ACSBG2: variants seen among roughly 807,000 people sequenced by gnomAD.
ACSBG2 encodes the protein long-chain-fatty-acid--CoA ligase ACSBG2.
In ACSBG2, 62 loss-of-function variants were observed where a neutral mutation model predicts 74.7. That is an observed-to-expected ratio of 0.83 (90% CI 0.68 to 1.03). The LOEUF is 1.03. Among genes scored for constraint, ACSBG2 ranks in the 50% least tolerant of loss-of-function variants. The probability of loss-of-function intolerance (pLI) is 0.00; values close to 1 mark genes in which losing one functional copy is unlikely to be tolerated. For missense variants in ACSBG2, 730 were observed against 817.6 expected, an observed-to-expected ratio of 0.89 and a Z score of 1.31; for synonymous variants, 309 against 294.1, an observed-to-expected ratio of 1.05 and a Z score of -0.52.
At position 6,180,802 on chromosome 19, in the gene ACSBG2, T is replaced by G. The variant is rs2090223721; in HGVS notation, c.907-1949T>G. On this transcript the variant is annotated intron_variant, in intron 8 of 14. Coordinates refer to ENST00000588485, the MANE Select transcript of ACSBG2 (RefSeq NM_030924.5). The surrounding 1 kb of genome is among the most constrained non-coding windows in gnomAD (Gnocchi z 4.3). ...TGATAGTGAGCATCTCTTCATGTGT[T>G]TATTGACCATTTACATATCTTCTTT... Among the ~76,000 whole-genome samples, 1 of 152,184 alleles carries G rather than the reference T, an allele frequency of 6.6e-6. No individual in the cohort carries two copies. Among genetic ancestry groups the G allele is most frequent in the Non-Finnish European group, 1.5e-5 (1 of 68,024 alleles).
At chr19:6,153,088 C>A (rs1221713588) in intron 4 of ACSBG2, among the ~76,000 whole-genome samples, 1 of 151,694 alleles carries the variant, frequency 6.6e-6, no homozygotes, top group Non-Finnish European at 1.5e-5. Flanking sequence ...CTAAAAATAC[C>A]AAAAAAATCA....
intron 3 of ACSBG2, among the ~76,000 whole-genome samples, chr19:6,151,415 C>A (rs2089235498): frequency 6.6e-6 from 1 of 152,046 alleles, no homozygotes; most frequent in Non-Finnish European, 1.5e-5. Flanking sequence ...TCAAGTGATC[C>A]TCCTGCCTCA....
At chr19:6,146,541 G>A (rs868250306) in intron 2 of ACSBG2, among the ~76,000 whole-genome samples, 56 of 151,988 alleles carry the variant, frequency 3.7e-4, no homozygotes, top group African/African-American at 1.3e-3. Flanking sequence ...CAAGGCGGGC[G>A]GATCACCTGA....
intron 11 of ACSBG2, among the ~76,000 whole-genome samples, chr19:6,186,545 T>C (rs2090413582): frequency 6.6e-6 from 1 of 151,992 alleles, no homozygotes; most frequent in Non-Finnish European, 1.5e-5. Flanking sequence ...TGGGTTTAAA[T>C]AGGTTTGAGG....
rs569256090 is a variant in ACSBG2 at position 6,172,409 on chromosome 19, G to A, written c.739-4820G>A. Among the ~76,000 whole-genome samples the A allele has an allele frequency of 7.6e-4, 115 of 152,290 alleles. 1 individual carries two copies. Among genetic ancestry groups the A allele is most frequent in the African/African-American group, 2.7e-3 (111 of 41,556 alleles). ...AGGGTATGGCTGTGGTGTATGTTGT[G>A]TGTGATTGTATGGCCTTGCTTCTGA... On this transcript the variant is annotated intron_variant, in intron 7 of 14. Coordinates refer to ENST00000588485, the MANE Select transcript of ACSBG2 (RefSeq NM_030924.5).
intron 6 of ACSBG2, among the ~76,000 whole-genome samples, chr19:6,162,566 CAAA>C (rs58138677): frequency 0.086 from 7,185 of 84,018 alleles, 273 homozygotes; most frequent in African/African-American, 0.19. Context: ...GACTCCGTCT[CAAA>C]AAAAAAAAAA....
At chr19:6,166,262 C>CTGTG (rs2089797919) in intron 7 of ACSBG2, among the ~76,000 whole-genome samples, 2 of 136,168 alleles carry the variant, frequency 1.5e-5, no homozygotes, top group Non-Finnish European at 3.0e-5. Context: ...AATGATTCCT[C>CTGTG]TGTGTGAGTC....
At chr19:6,158,147 C>T (rs2089486001) in intron 5 of ACSBG2, among the ~76,000 whole-genome samples, 1 of 151,798 alleles carries the variant, frequency 6.6e-6, no homozygotes, top group Non-Finnish European at 1.5e-5. Flanking sequence ...CCTCTGCCTC[C>T]CAGGTTCACG....
intron 7 of ACSBG2, among the ~76,000 whole-genome samples, chr19:6,168,261 A>C (rs1019577565): frequency 1.3e-5 from 2 of 151,928 alleles, no homozygotes; most frequent in African/African-American, 4.8e-5. Context: ...TCTTTGCATG[A>C]GCTCCGTGGG....
At chr19:6,181,044 T>TAAAAA (rs113174172) in intron 8 of ACSBG2, among the ~76,000 whole-genome samples, 2 of 100,034 alleles carry the variant, frequency 2.0e-5, no homozygotes, top group African/African-American at 3.5e-5. Flanking sequence ...CCGTCTCTAC[T>TAAAAA]AAAAAAAAAA....
Position 6,183,127 on chromosome 19 carries a change from T to C in ACSBG2, c.1177T>C (p.Ser393Pro). The C allele has an allele frequency of 1.2e-6, 2 of 1,614,224 alleles. No individual in the cohort carries two copies. The highest frequency in any genetic ancestry group is 1.3e-5 in the African/African-American group (1 of 75,066). The change falls in exon 10 of 15, where the codon TCT becomes CCT. Residue 393 changes from serine (S) to proline (P), a missense_variant. Ser to Pro is a moderately conservative substitution (Grantham distance 74). Coordinates refer to ENST00000588485, the MANE Select transcript of ACSBG2 (RefSeq NM_030924.5). ...KTSLGLDHCH[S>P]FISGTAPLNQ... ...ATCCCTTGGCTTGGATCACTGTCAC[T>C]CTTTTATCAGTGGGACTGCGCCCCT...
At chr19:6,171,089 T>A (rs2089952088) in intron 7 of ACSBG2, among the ~76,000 whole-genome samples, 1 of 152,160 alleles carries the variant, frequency 6.6e-6, no homozygotes, top group South Asian at 2.1e-4. Context: ...TCCATCCCTT[T>A]ACTTTGAGCC....
chr19:6,162,136 C>T (rs1300464196), intron 6 of ACSBG2, among the ~76,000 whole-genome samples: 1 of 151,294 alleles, frequency 6.6e-6, no homozygotes, highest in Non-Finnish European at 1.5e-5. Flanking sequence ...CATGGTGGTA[C>T]GTGCCTGTAG....
At chr19:6,161,027 G>A (rs2089590289) in intron 5 of ACSBG2, among the ~76,000 whole-genome samples, 188 bp from the exon 6 acceptor site, 1 of 152,012 alleles carries the variant, frequency 6.6e-6, no homozygotes, top group South Asian at 2.1e-4. Context: ...TTCAACCCGG[G>A]AGGCGGAGGT....
chr19:6,147,298 T>G, intron 2 of ACSBG2, 148 bp from the exon 3 acceptor site: 1 of 627,602 alleles, frequency 1.6e-6, no homozygotes, highest in Middle Eastern at 4.2e-4. Flanking sequence ...GAAGCTTGTC[T>G]TGCCAGTGTT....
intron 7 of ACSBG2, among the ~76,000 whole-genome samples, chr19:6,167,158 T>A (rs77753612): frequency 2.0e-5 from 3 of 152,192 alleles, no homozygotes; most frequent in African/African-American, 7.2e-5. Context: ...AGCATTCTTA[T>A]AAATGCTTCC....
Position 6,174,905 on chromosome 19 carries a change from T to C in ACSBG2, c.739-2324T>C, listed in dbSNP as rs1332205205. Among the ~76,000 whole-genome samples the C allele has an allele frequency of 1.3e-5, 2 of 151,798 alleles. No individual in the cohort carries two copies. The highest frequency in any genetic ancestry group is 2.1e-4 in the South Asian group (1 of 4,792). On this transcript the variant is annotated intron_variant, in intron 7 of 14. Transcript: ENST00000588485. This position sits in a 1 kb window ranked among gnomAD's most constrained non-coding sequence, Gnocchi z 4.2. ...TTTCTCCCGTGTAGGGAACACTATG[T>C]TCAGTGCTAAGATAAACACATTTTA...
Position 6,187,595 on chromosome 19 carries a change from G to A in ACSBG2, c.1681-4G>A. ...TGGGTGGTGACAGAGGTGTCTGGGG[G>A]CAGTGTGAGATGAATCAGATGAGCG... On this transcript the variant is annotated splice_polypyrimidine_tract_variant and splice_region_variant and intron_variant, in intron 12 of 14. Coordinates refer to ENST00000588485, the MANE Select transcript of ACSBG2 (RefSeq NM_030924.5). 2 of 1,614,044 alleles carry A rather than the reference G, an allele frequency of 1.2e-6. No individual in the cohort carries two copies. The highest frequency in any genetic ancestry group is 1.7e-6 in the Non-Finnish European group (2 of 1,179,980).
chr19:6,166,288 G>GTT (rs1007154139), intron 7 of ACSBG2, among the ~76,000 whole-genome samples: 27 of 137,746 alleles, frequency 2.0e-4, no homozygotes, highest in African/African-American at 7.1e-4. Context: ...GGTTGTGTGT[G>GTT]TGTGTGTGTG....
Sources: gnomAD v4.1 joint callset for allele counts (sites outside exome capture counted in the v4.1 genomes callset) on GRCh38, gnomAD v4.1.1 for gene constraint, Gnocchi (gnomAD v3.1) non-coding constraint, MANE v1.5 for transcripts, NCBI Gene and HGNC (gene_info 2026-07-23, HGNC 2026-07-21) for gene names.